CNTN5: variants seen among roughly 807,000 people sequenced by gnomAD.
CNTN5 encodes contactin-5.
A neutral mutation model predicts 129.1 loss-of-function variants in CNTN5; 77 were observed. The observed-to-expected ratio is 0.60, with a 90% CI of 0.50 to 0.72. The LOEUF (loss-of-function observed/expected upper bound fraction) is 0.72. Ranked by LOEUF, CNTN5 falls within the 30% of genes least tolerant of loss-of-function variation. The pLI is 0.00. For missense variants in CNTN5, 1,478 were observed against 1,328.8 expected, an observed-to-expected ratio of 1.11 and a Z score of -1.75; for synonymous variants, 509 against 465.6, an observed-to-expected ratio of 1.09 and a Z score of -1.20.
chr11:99,955,024 A>G (rs2136163211), intron 7 of CNTN5, among the ~76,000 whole-genome samples: 1 of 152,260 alleles, frequency 6.6e-6, no homozygotes, highest in Non-Finnish European at 1.5e-5. Context: ...GTATTTTTAA[A>G]TTTAATGAAT....
intron 10 of CNTN5, among the ~76,000 whole-genome samples, chr11:100,064,589 G>A (rs866012339): frequency 8.5e-5 from 13 of 152,170 alleles, no homozygotes; most frequent in South Asian, 2.1e-4. Context: ...AGCATAAACT[G>A]CATAAATATT....
chr11:99,655,666 T>C (rs573111957), intron 3 of CNTN5, among the ~76,000 whole-genome samples: 2 of 145,410 alleles, frequency 1.4e-5, no homozygotes, highest in South Asian at 4.1e-4. Context: ...GCATCAGTCT[T>C]TATTTATCCA....
intron 20 of CNTN5, among the ~76,000 whole-genome samples, chr11:100,301,380 A>C (rs1414324618): frequency 6.6e-6 from 1 of 151,516 alleles, no homozygotes; most frequent in Non-Finnish European, 1.5e-5. Flanking sequence ...TGTTTTCTTA[A>C]ACTTGAAATG....
intron 18 of CNTN5, among the ~76,000 whole-genome samples, chr11:100,292,132 T>G (rs1950997882): frequency 6.6e-6 from 1 of 152,202 alleles, no homozygotes; most frequent in African/African-American, 2.4e-5. Flanking sequence ...CTGTCTTTTC[T>G]TTCTTCTTTC....
chr11:99,382,294 G>C (rs1732629469), intron 2 of CNTN5, among the ~76,000 whole-genome samples: 1 of 152,058 alleles, frequency 6.6e-6, no homozygotes. Flanking sequence ...CCACATTTTG[G>C]CTTCTACAGA....
chr11:100,176,561 G>A (rs1947970438), intron 13 of CNTN5, among the ~76,000 whole-genome samples: 1 of 151,942 alleles, frequency 6.6e-6, no homozygotes, highest in Non-Finnish European at 1.5e-5. Flanking sequence ...AATGAAGGCA[G>A]GAAAAATTCT....
chr11:99,536,854 TAA>T (rs5793993), intron 2 of CNTN5, among the ~76,000 whole-genome samples: 36,027 of 140,382 alleles, frequency 0.26, 4,881 homozygotes, highest in Non-Finnish European at 0.31. Context: ...GTAGTCACAT[TAA>T]AAAAAAAAAA....
chr11:99,983,464 C>T (rs776421403), intron 8 of CNTN5, among the ~76,000 whole-genome samples: 15 of 152,078 alleles, frequency 9.9e-5, no homozygotes, highest in Non-Finnish European at 2.1e-4. Flanking sequence ...CAAATTTTGC[C>T]TTAAAACATT....
intron 1 of CNTN5, among the ~76,000 whole-genome samples, chr11:99,206,715 T>C (rs1216251616): frequency 6.6e-6 from 1 of 152,164 alleles, no homozygotes. Context: ...CTGTGACTTG[T>C]TGAGTCTCTT....
chr11:99,661,968 A>G (rs1002570454), intron 3 of CNTN5, among the ~76,000 whole-genome samples: 4 of 152,168 alleles, frequency 2.6e-5, no homozygotes, highest in Non-Finnish European at 4.4e-5. Context: ...CATGAGAGCA[A>G]TAGAGCAAAT....
intron 13 of CNTN5, among the ~76,000 whole-genome samples, chr11:100,148,793 C>G (rs1946945278): frequency 6.6e-6 from 1 of 152,098 alleles, no homozygotes; most frequent in Admixed American, 6.6e-5. Flanking sequence ...TATGCTCTTG[C>G]TCTAGCATCC....
intron 3 of CNTN5, among the ~76,000 whole-genome samples, chr11:99,753,369 G>A (rs950978155): frequency 1.3e-5 from 2 of 151,646 alleles, no homozygotes; most frequent in African/African-American, 2.4e-5. Flanking sequence ...TGATTCACCC[G>A]CCTCAGCCTC....
intron 1 of CNTN5, among the ~76,000 whole-genome samples, chr11:99,293,118 G>A (rs1447110250): frequency 4.1e-4 from 1 of 2,434 alleles, no homozygotes; most frequent in Non-Finnish European, 6.9e-4. Flanking sequence ...AGTTGGTTAA[G>A]ACTTTTTTTA....
chr11:99,532,354 G>T (rs1279976731), intron 2 of CNTN5, among the ~76,000 whole-genome samples: 1 of 152,110 alleles, frequency 6.6e-6, no homozygotes, highest in East Asian at 1.9e-4. Context: ...ACTTGCTTTT[G>T]ATTTTACAGT....
intron 3 of CNTN5, among the ~76,000 whole-genome samples, chr11:99,679,533 A>C (rs190012186): frequency 3.5e-4 from 53 of 152,236 alleles, no homozygotes; most frequent in African/African-American, 1.1e-3. Flanking sequence ...GAGTTGCCAC[A>C]GACTGCACCC....
intron 3 of CNTN5, among the ~76,000 whole-genome samples, chr11:99,673,409 A>G (rs962138620): frequency 6.6e-6 from 1 of 152,198 alleles, no homozygotes. Flanking sequence ...ACTTCTGTAA[A>G]GCATCAAGAA....
At chr11:99,534,378 C>T (rs10750316) in intron 2 of CNTN5, among the ~76,000 whole-genome samples, 37,791 of 152,046 alleles carry the variant, frequency 0.25, 5,179 homozygotes, top group Non-Finnish European at 0.31. Context: ...ATGAGATTTT[C>T]ATTTAAATAG....
chr11:100,020,675 A>G (rs965029570), intron 9 of CNTN5, among the ~76,000 whole-genome samples: 1 of 152,130 alleles, frequency 6.6e-6, no homozygotes, highest in African/African-American at 2.4e-5. Flanking sequence ...TATGCAGAAA[A>G]CATTAAAGAG....
chr11:99,173,640 T>G (rs1021131184), intron 1 of CNTN5, among the ~76,000 whole-genome samples: 2 of 152,182 alleles, frequency 1.3e-5, no homozygotes, highest in Non-Finnish European at 2.9e-5. Flanking sequence ...TGAACAATTA[T>G]GTGGATTATT....
Sources: gnomAD v4.1 joint callset for allele counts (sites outside exome capture counted in the v4.1 genomes callset) on GRCh38, gnomAD v4.1.1 for gene constraint, MANE v1.5 for transcripts, NCBI Gene and HGNC (gene_info 2026-07-23, HGNC 2026-07-21) for gene names.